The following STAB2 variants were observed in gnomAD, a reference collection of about 807,000 sequenced individuals.
STAB2 encodes stabilin 2, also known as stabilin-2.
In STAB2, 288 loss-of-function variants were observed where a neutral mutation model predicts 338.1. The observed-to-expected ratio is 0.85, with a 90% confidence interval of 0.77 to 0.94. The LOEUF is 0.94. Ranked by LOEUF, STAB2 falls within the 40% of genes least tolerant of loss-of-function variation. The pLI, the probability that STAB2 is intolerant of heterozygous loss-of-function variation, is 0.00. For missense variants in STAB2, 3,141 were observed against 3,210.1 expected (o/e 0.98, Z 0.52); for synonymous variants, 1,202 against 1,193.3 (o/e 1.01, Z -0.15).
intron 15 of STAB2, among the ~76,000 whole-genome samples, chr12:103,656,677 ATTTTTTT>A (rs62855260): frequency 8.4e-6 from 1 of 119,000 alleles, no homozygotes. Flanking sequence ...AAAACTTAGG[ATTTTTTT>A]TTTTTTTTTT....
intron 44 of STAB2, among the ~76,000 whole-genome samples, 181 bp downstream of exon 44, chr12:103,718,022 GCA>G (rs1880467092): frequency 6.6e-6 from 1 of 152,086 alleles, no homozygotes; most frequent in Non-Finnish European, 1.5e-5. Context: ...AAGAGAGAAG[GCA>G]CAGTCTGCTA....
chr12:103,745,036 T>TTCAA lies in STAB2; in HGVS notation c.6032-135_6032-132dup. Reference sequence around the variant, plus strand: ...CCTGAATAAGTTATTTTTTAGATGTTTCAATGAATGAATGAATGACTGTGA... The same window carrying TTCAA: ...CCTGAATAAGTTATTTTTTAGATGTTTCAATCAATGAATGAATGAATGACTGTGA... On this transcript the variant is annotated intron_variant, in intron 56 of 68. Transcript: ENST00000388887. The TTCAA allele has an allele frequency of 4.3e-6, 3 of 689,744 alleles. No individual in the cohort carries two copies. The South Asian group carries it at 6.1e-5, about 14-fold the overall frequency. 42.7% of individuals were successfully genotyped at this position (689,744 alleles called of 1,614,324 possible).
chr12:103,719,307 C>G (rs1880571096), intron 44 of STAB2, among the ~76,000 whole-genome samples: 1 of 152,196 alleles, frequency 6.6e-6, no homozygotes, highest in South Asian at 2.1e-4. Flanking sequence ...TTTAATTTCT[C>G]TAACAGCCAT....
intron 50 of STAB2, among the ~76,000 whole-genome samples, chr12:103,732,382 C>T (rs1405413901): frequency 6.6e-6 from 1 of 152,132 alleles, no homozygotes; most frequent in Non-Finnish European, 1.5e-5. Flanking sequence ...CCAGTATGAA[C>T]AAAAGATTGC....
intron 50 of STAB2, among the ~76,000 whole-genome samples, chr12:103,732,284 G>A (rs777497999): frequency 3.9e-5 from 6 of 152,154 alleles, no homozygotes; most frequent in Non-Finnish European, 8.8e-5. Context: ...ACTCCAGCCG[G>A]GGTGACAGAG....
At chr12:103,619,775 T>TCTCACACCC (rs960794717) in intron 3 of STAB2, among the ~76,000 whole-genome samples, 8 of 109,332 alleles carry the variant, frequency 7.3e-5, no homozygotes, top group African/African-American at 2.9e-4. Flanking sequence ...ACCCCACAAC[T>TCTCACACCC]CTCACACCCA....
rs1403708195 is a variant in STAB2 at position 103,622,045 on chromosome 12, G to C, written c.421G>C (p.Gly141Arg). Reference sequence around the variant, plus strand: ...AACCACCTGGGGTGTTTTGCAGGAAGGGTTTGGTGGAACAGCCTGTGAAAC... The same window carrying C: ...AACCACCTGGGGTGTTTTGCAGGAACGGTTTGGTGGAACAGCCTGTGAAAC... ...EGNGTCSCQE[G>R]FGGTACETCA... The change falls in exon 5 of 69, where the codon GGG becomes CGG. Residue 141 changes from glycine to arginine, a missense_variant. By Grantham distance (125) the Gly-to-Arg change is moderately radical. Transcript: ENST00000388887. 3 of 1,614,082 alleles carry C rather than the reference G, an allele frequency of 1.9e-6. No individual in the cohort carries two copies. The African/African-American group carries it at 4.0e-5, about 22-fold the overall frequency.
rs764527901 is a variant in STAB2, at chr12:103,745,210, C to T, written c.6069C>T (p.Gly2023=). Residue 2023 remains glycine (G), a synonymous_variant, in exon 57 of 69, where the codon GGC becomes GGT. Transcript: ENST00000388887. ...CAGACCACGGACAGTGCGATGATGG[C>T]ATCACGGGCTCCGGGCAGTGCCTCT... ...GCSDHGQCDD[G]ITGSGQCLCE... 5.6e-6 allele frequency: 9 copies of T among 1,614,050 alleles called. No individual in the cohort carries two copies. In the South Asian group the frequency reaches 7.7e-5, roughly 14 times the overall value.
intron 12 of STAB2, among the ~76,000 whole-genome samples, 170 bp from the exon 13 acceptor site, chr12:103,654,385 G>C (rs773459252): frequency 6.6e-6 from 1 of 152,178 alleles, no homozygotes; most frequent in Non-Finnish European, 1.5e-5. Context: ...AACCCTGTGA[G>C]GTTAACAAAG....
At chr12:103,737,889 G>A in intron 53 of STAB2, 109 bp downstream of exon 53, 1 of 1,428,012 alleles carries the variant, frequency 7.0e-7, no homozygotes, top group South Asian at 1.5e-5. Context: ...TCCTCAGCAA[G>A]ACTAGGACCC....
Position 103,590,965 on chromosome 12 carries a change from T to C in STAB2, c.150T>C (p.Leu50=). The C allele has an allele frequency of 1.2e-6, 2 of 1,614,110 alleles. No homozygotes were observed. The highest frequency in any genetic ancestry group is 1.7e-6 in the Non-Finnish European group (2 of 1,180,018). The part of the protein sequence containing the change: ...RTECRSCALN[L]GVKCPDGYTM... ...AGTGCCGATCCTGCGCTCTCAACCT[T>C]GGAGTCAAGTGCCCGGATGGTTACA... Residue 50 remains leucine, a synonymous_variant, in exon 2 of 69, where the codon CTT becomes CTC. Coordinates refer to ENST00000388887, the MANE Select transcript of STAB2 (RefSeq NM_017564.10).
At position 103,645,442 on chromosome 12, in the gene STAB2, C is replaced by G. The variant is rs532927497; in HGVS notation, c.1041-3248C>G. Among the ~76,000 whole-genome samples the G allele has an allele frequency of 9.2e-5, 14 of 152,316 alleles. No homozygotes were observed. The East Asian group carries it at 1.7e-3, about 19-fold the overall frequency. ...GCCAAGTCACTTGACACAAAACAGA[C>G]CATTGGCCACCTAACAACTCAAGAA... On this transcript the variant is annotated intron_variant, in intron 9 of 68. Coordinates refer to ENST00000388887, the MANE Select transcript of STAB2 (RefSeq NM_017564.10).
intron 12 of STAB2, 117 bp downstream of exon 12, chr12:103,652,822 C>G: frequency 3.2e-6 from 4 of 1,234,376 alleles, no homozygotes; most frequent in Non-Finnish European, 4.4e-6. Flanking sequence ...ATTCTTTCCT[C>G]ATGTATTATT....
At chr12:103,639,349 G>A (rs1565978037) in intron 8 of STAB2, among the ~76,000 whole-genome samples, 2 of 152,102 alleles carry the variant, frequency 1.3e-5, no homozygotes, top group African/African-American at 2.4e-5. Context: ...TGTGCATTGT[G>A]AGGTGTTTAA....
chr12:103,766,193 A>C, intron 68 of STAB2, 93 bp from the exon 69 acceptor site: 2 of 1,502,806 alleles, frequency 1.3e-6, no homozygotes, highest in Non-Finnish European at 1.9e-6. Context: ...GTGCTCAGGG[A>C]GAGTCATGCC....
chr12:103,714,134 A>G (rs976158418), intron 42 of STAB2, among the ~76,000 whole-genome samples: 2 of 152,288 alleles, frequency 1.3e-5, no homozygotes, highest in Middle Eastern at 3.4e-3. Flanking sequence ...TCATTACCCC[A>G]TTTTGCTATG....
At chr12:103,624,597 A>C (rs1957352086) in intron 5 of STAB2, among the ~76,000 whole-genome samples, 1 of 152,222 alleles carries the variant, frequency 6.6e-6, no homozygotes, top group Non-Finnish European at 1.5e-5. Context: ...TTCTTCACCC[A>C]CTGTCCCATA....
chr12:103,701,977 T>TACAC lies in STAB2; in HGVS notation c.3715-1128_3715-1125dup, dbSNP rs71097990. Among the ~76,000 whole-genome samples the TACAC allele has an allele frequency of 4.8e-3, 687 of 144,004 alleles. 2 individuals carry two copies. The highest frequency in any genetic ancestry group is 0.013 in the East Asian group (65 of 4,964). 94.5% of individuals were successfully genotyped at this position (144,004 alleles called of 152,430 possible). A position where few individuals can be genotyped will look rare whatever the true frequency, so the allele number is the denominator to read the frequency against. Reference sequence around the variant, plus strand: ...TCCCCTCTCCCAACTTCAGCCCTGCTACACACACACACACACACACACACA... The same window carrying TACAC: ...TCCCCTCTCCCAACTTCAGCCCTGCTACACACACACACACACACACACACACACA... On this transcript the variant is annotated intron_variant, in intron 34 of 68. Coordinates refer to ENST00000388887, the MANE Select transcript of STAB2 (RefSeq NM_017564.10).
intron 5 of STAB2, among the ~76,000 whole-genome samples, chr12:103,624,031 C>A (rs1272207139): frequency 6.6e-6 from 1 of 152,214 alleles, no homozygotes; most frequent in African/African-American, 2.4e-5. Flanking sequence ...CCACTTGGGC[C>A]CTGACTTTCG....
Sources: allele counts gnomAD v4.1 joint callset (sites outside exome capture counted in the v4.1 genomes callset), GRCh38; gene constraint gnomAD v4.1.1; transcripts MANE v1.5; gene names NCBI Gene and HGNC (gene_info 2026-07-23, HGNC 2026-07-21).